Variants in CASKIN2 observed in about 807,000 individuals in gnomAD.
CASKIN2 encodes the protein CASK interacting protein 2.
A neutral mutation model predicts 107.1 loss-of-function variants in CASKIN2; 41 were observed. That is an observed-to-expected ratio of 0.38 (90% CI 0.30 to 0.50). The LOEUF is 0.50. Ranked by LOEUF, CASKIN2 falls within the 20% of genes least tolerant of loss-of-function variation. The probability of loss-of-function intolerance (pLI) is 0.92; values close to 1 mark genes in which losing one functional copy is unlikely to be tolerated. For synonymous variants in CASKIN2, 724 were observed against 705.6 expected (o/e 1.03, Z -0.41); for missense variants, 1,546 against 1,657.4 (o/e 0.93, Z 1.17).
rs759781546 is a variant in CASKIN2, at chr17:75,504,990, G to A, written c.1014C>T (p.Pro338=). The A allele has an allele frequency of 1.2e-6, 2 of 1,612,430 alleles. No individual in the cohort carries two copies. Among genetic ancestry groups the A allele is most frequent in the South Asian group, 2.2e-5 (2 of 91,074 alleles). ...QRGTDRIGYF[P]PGIVEVVSKR... ...TGCTGACCACCTCGACAATGCCCGG[G>A]GGGAAGTAGCCTATGCGGTCTGTGC... Residue 338 remains proline, a synonymous_variant, in exon 11 of 20, where the codon CCC becomes CCT. Transcript: ENST00000321617.
In CASKIN2 at chr17:75,506,781, C is replaced by A; in HGVS notation, c.486+18G>T. 6.2e-7 allele frequency: 1 copy of A among 1,613,812 alleles called. No individual in the cohort carries two copies. The highest frequency in any genetic ancestry group is 8.5e-7 in the Non-Finnish European group (1 of 1,179,974). ...TGTAGATGTCCAGGACCCAGCACCC[C>A]AAGGCTGCAGGCCTCACCTTGAGTC... On this transcript the variant is annotated intron_variant, in intron 6 of 19. Transcript: ENST00000321617. The surrounding 1 kb of genome is among the most constrained non-coding windows in gnomAD (Gnocchi z 4.8).
At position 75,502,914 on chromosome 17, in the gene CASKIN2, G is replaced by C. The variant is rs141399534; in HGVS notation, c.2160C>G (p.Ser720Arg). 2 of 1,558,414 alleles carry C rather than the reference G, an allele frequency of 1.3e-6. No homozygotes were observed. Among genetic ancestry groups the C allele is most frequent in the Non-Finnish European group, 1.7e-6 (2 of 1,151,054 alleles). Residue 720 changes from serine (S) to arginine (R), a missense_variant, in exon 18 of 20, where the codon AGC becomes AGG. Transcript: ENST00000321617. This position sits in a 1 kb window ranked among gnomAD's most constrained non-coding sequence, Gnocchi z 4.3. Reference protein sequence around the residue: ...HSQEQPAPQPSGGDPSPPQER... With the variant: ...HSQEQPAPQPRGGDPSPPQER... The stretch of plus-strand genomic sequence containing the variant: ...CCTGGGGGGGGCTGGGATCTCCACC[G>C]CTGGGCTGTGGGGCAGGCTGTTCCT...
At chr17:75,503,288 G>A (rs772094329) in intron 17 of CASKIN2, 34 bp from the exon 18 acceptor site, 5 of 1,573,376 alleles carry the variant, frequency 3.2e-6, no homozygotes, top group Non-Finnish European at 4.3e-6. Flanking sequence ...AAGGTTAGCT[G>A]GGGCTGGGGT....
intron 19 of CASKIN2, 49 bp from the exon 20 acceptor site, chr17:75,501,219 C>A: frequency 6.7e-7 from 1 of 1,496,918 alleles, no homozygotes; most frequent in South Asian, 1.2e-5. Context: ...GCCTGCACCC[C>A]ACTGGCCCTG....
intron 2 of CASKIN2, among the ~76,000 whole-genome samples, chr17:75,511,841 C>T (rs1238945918): frequency 6.6e-6 from 1 of 152,248 alleles, no homozygotes; most frequent in Non-Finnish European, 1.5e-5. Context: ...CTCCAAACCC[C>T]TCCCGCCTGC....
chr17:75,510,222 G>A (rs772552728), intron 2 of CASKIN2, among the ~76,000 whole-genome samples: 1 of 152,152 alleles, frequency 6.6e-6, no homozygotes. Context: ...GGCGAGGGGC[G>A]GGGAGCAGGG....
rs1289485502 is a variant in CASKIN2 at position 75,502,609 on chromosome 17, G to GTGC, written c.2462_2464dup (p.Ser821dup). The GTGC allele has an allele frequency of 6.2e-7, 1 of 1,603,614 alleles. No homozygotes were observed. Among genetic ancestry groups the GTGC allele is most frequent in the African/African-American group, 1.3e-5 (1 of 74,792 alleles). Reference sequence around the variant, plus strand: ...GGTAAGGGTAGCATAACTGCCTAGGGTGCTGCCCACTGGCCCTTCGGCCTC... The same window carrying GTGC: ...GGTAAGGGTAGCATAACTGCCTAGGGTGCTGCTGCCCACTGGCCCTTCGGCCTC... On this transcript the variant is annotated inframe_insertion, in exon 18 of 20. Transcript: ENST00000321617. This position sits in a 1 kb window ranked among gnomAD's most constrained non-coding sequence, Gnocchi z 4.3.
chr17:75,505,824 G>A lies in CASKIN2; in HGVS notation c.832C>T (p.Arg278Trp), dbSNP rs199947018. The change falls in exon 9 of 20, where the codon CGG becomes TGG. Residue 278 changes from arginine (R) to tryptophan (W), a missense_variant. Transcript: ENST00000321617. The surrounding 1 kb of genome is among the most constrained non-coding windows in gnomAD (Gnocchi z 5.1). Reference protein sequence around the residue: ...QASREIKQLLREASGILKVRA... With the variant: ...QASREIKQLLWEASGILKVRA... ...GGGTATCCTCCCCCGCACTCACCCC[G>A]CAGTAGCTGCTTGATTTCCCGGCTG... The A allele has an allele frequency of 4.0e-5, 65 of 1,611,902 alleles. No individual in the cohort carries two copies. In the African/African-American group the frequency reaches 6.4e-4, roughly 16 times the overall value.
Position 75,500,996 on chromosome 17 carries a change from C to A in CASKIN2, c.*84G>T. On this transcript the variant is annotated 3_prime_UTR_variant, in exon 20 of 20. Transcript: ENST00000321617. ...ACTTCAGCCTGACCAGCCCTTGGCC[C>A]GTCCCTAGGGTGGCAGGGGCCTCTT... The A allele has an allele frequency of 7.4e-7, 1 of 1,348,250 alleles. No homozygotes were observed. The highest frequency in any genetic ancestry group is 1.0e-6 in the Non-Finnish European group (1 of 972,974). The allele number at this position is 1,348,250 out of a possible 1,614,324, so 83.5% of individuals were successfully genotyped here.
chr17:75,502,410 T>G lies in CASKIN2; in HGVS notation c.2664A>C (p.Pro888=), dbSNP rs1598462821. ...CCTTGGGCCCTGGGCTCTCATCTAG[T>G]GGAGGTGGCTCCGGGCTGGGGCCAG... ...SVSGPSPEPP[P]LDESPGPKEG... is the part of the protein sequence containing the mutation. The change falls in exon 18 of 20, where the codon CCA becomes CCC. Residue 888 remains proline (P), a synonymous_variant. Transcript: ENST00000321617. The surrounding 1 kb of genome is among the most constrained non-coding windows in gnomAD (Gnocchi z 4.3). 1 of 1,384,936 alleles carries G rather than the reference T, an allele frequency of 7.2e-7. No homozygotes were observed. Among genetic ancestry groups the G allele is most frequent in the Non-Finnish European group, 9.2e-7 (1 of 1,081,302 alleles). The allele number at this position is 1,384,936 out of a possible 1,614,324, so 85.8% of individuals were successfully genotyped here.
chr17:75,506,214 G>A lies in CASKIN2; in HGVS notation c.726+91C>T, dbSNP rs569052453. On this transcript the variant is annotated intron_variant, in intron 8 of 19. Coordinates refer to ENST00000321617, the MANE Select transcript of CASKIN2 (RefSeq NM_020753.5). This position sits in a 1 kb window ranked among gnomAD's most constrained non-coding sequence, Gnocchi z 4.8. ...CTGACGCCCATGCAAAAACCACGCT[G>A]GAGTCCTCCGTCCCGTACCTCCCCA... 2 of 1,140,174 alleles carry A rather than the reference G, an allele frequency of 1.8e-6. No individual in the cohort carries two copies. Among genetic ancestry groups the A allele is most frequent in the East Asian group, 2.4e-5 (1 of 41,612 alleles). 70.6% of individuals were successfully genotyped at this position (1,140,174 alleles called of 1,614,324 possible).
At position 75,505,007 on chromosome 17, in the gene CASKIN2, G is replaced by A. The variant is rs149259623; in HGVS notation, c.997C>T (p.Arg333Cys). 6.3e-5 allele frequency: 101 copies of A among 1,612,292 alleles called. No individual in the cohort carries two copies. Among genetic ancestry groups the A allele is most frequent in the Non-Finnish European group, 8.0e-5 (94 of 1,179,800 alleles). ...ATGCCCGGGGGGAAGTAGCCTATGCGGTCTGTGCCCCTCTGGCTCTCGTGG... is the reference window on the plus strand; with the variant it reads ...ATGCCCGGGGGGAAGTAGCCTATGCAGTCTGTGCCCCTCTGGCTCTCGTGG... ...HIHESQRGTDRIGYFPPGIVE... is the reference protein window; with the variant it reads ...HIHESQRGTDCIGYFPPGIVE... The change falls in exon 11 of 20, where the codon CGC becomes TGC. Residue 333 changes from arginine to cysteine, a missense_variant. Transcript: ENST00000321617. The surrounding 1 kb of genome is among the most constrained non-coding windows in gnomAD (Gnocchi z 5.1).
rs752111948 is a variant in CASKIN2, at chr17:75,503,164, C to T, written c.1910G>A (p.Arg637His). The T allele has an allele frequency of 1.4e-5, 23 of 1,601,758 alleles. 1 individual carries two copies. The highest frequency in any genetic ancestry group is 1.2e-4 in the African/African-American group (9 of 74,828). The change falls in exon 18 of 20, where the codon CGC becomes CAC. Residue 637 changes from arginine (R) to histidine (H), a missense_variant. Coordinates refer to ENST00000321617, the MANE Select transcript of CASKIN2 (RefSeq NM_020753.5). ...CAGCTCCGGACCCTTGGCCAGCCGG[C>T]GCCCGCCTTCGCTGAGGGCCTCCCC... ...LQGEALSEGG[R>H]RLAKGPELMA...
At position 75,503,546 on chromosome 17, in the gene CASKIN2, C is replaced by T. The variant is rs1371082670; in HGVS notation, c.1681-19G>A. On this transcript the variant is annotated intron_variant, in intron 16 of 19. Transcript: ENST00000321617. ...GGTCCGTCTGGAAGAGCACCGTCCT[C>T]AGAACAACTCCCAGCCAGCCTCCGC... is the stretch of plus-strand genomic sequence containing the variant. 2 of 1,604,882 alleles carry T rather than the reference C, an allele frequency of 1.2e-6. No individual in the cohort carries two copies. Among genetic ancestry groups the T allele is most frequent in the African/African-American group, 2.7e-5 (2 of 74,874 alleles).
In CASKIN2 at chr17:75,503,455, C is replaced by A; in HGVS notation, c.1753G>T (p.Asp585Tyr). Reference protein sequence around the residue: ...YHKQLVSSGYDSMGLVADLTW... With the variant: ...YHKQLVSSGYYSMGLVADLTW... ...AGGTCGGCCACCAGCCCCATGGAGT[C>A]GTAGCCGCTGCTCACCAGCTGCTTG... The change falls in exon 17 of 20, where the codon GAC (aspartate) becomes TAC (tyrosine). Residue 585 changes from aspartate to tyrosine, a missense_variant. Asp to Tyr is a radical substitution (Grantham distance 160). Around this residue, in one of 6 missense-constraint regions of CASKIN2, gnomAD observed 1,311 missense variants for 1,311.0 expected, o/e 1.00. Coordinates refer to ENST00000321617, the MANE Select transcript of CASKIN2 (RefSeq NM_020753.5). 6.2e-7 allele frequency: 1 copy of A among 1,612,890 alleles called. No homozygotes were observed. Among genetic ancestry groups the A allele is most frequent in the Non-Finnish European group, 8.5e-7 (1 of 1,179,966 alleles).
chr17:75,501,736 C>T, intron 18 of CASKIN2, 43 bp downstream of exon 18: 1 of 1,532,404 alleles, frequency 6.5e-7, no homozygotes, highest in South Asian at 1.3e-5. Context: ...GGGTCAGACA[C>T]AACCCTGCCA....
intron 4 of CASKIN2, 97 bp from the exon 5 acceptor site, chr17:75,507,226 A>G: frequency 7.3e-7 from 1 of 1,378,660 alleles, no homozygotes; most frequent in Non-Finnish European, 9.7e-7. Flanking sequence ...CTGGGAGGGC[A>G]GAGAGCCCAC....
rs944646900 is a variant in CASKIN2 at position 75,500,538 on chromosome 17, T to G, written c.*542A>C. 1.9e-5 allele frequency: 3 copies of G among 157,720 alleles called. No individual in the cohort carries two copies. Among genetic ancestry groups the G allele is most frequent in the Non-Finnish European group, 4.2e-5 (3 of 71,098 alleles). The allele number at this position is 157,720 out of a possible 1,614,324, so 9.8% of individuals were successfully genotyped here. A position where few individuals can be genotyped will look rare whatever the true frequency, so the allele number is the denominator to read the frequency against. On this transcript the variant is annotated 3_prime_UTR_variant, in exon 20 of 20. Coordinates refer to ENST00000321617, the MANE Select transcript of CASKIN2 (RefSeq NM_020753.5). Reference sequence around the variant, plus strand: ...TGTTAACCCCACTGCCTCCCACCCCTGCTAGCCCTGCCTCAGTGAGGGAAG... The same window carrying G: ...TGTTAACCCCACTGCCTCCCACCCCGGCTAGCCCTGCCTCAGTGAGGGAAG...
chr17:75,501,610 G>C lies in CASKIN2; in HGVS notation c.3376C>G (p.Arg1126Gly). The change falls in exon 19 of 20, where the codon CGC becomes GGC. Residue 1126 changes from arginine to glycine, a missense_variant. Physicochemically the swap from Arg to Gly is moderately radical, Grantham distance 125. This residue lies in a region of CASKIN2 where 1,311 missense variants were observed against 1,311.0 expected (regional missense o/e 1.00). Coordinates refer to ENST00000321617, the MANE Select transcript of CASKIN2 (RefSeq NM_020753.5). ...GPKLAPRLGP[R>G]PVPPPRPEST... ...TCAGGCCGTGGAGGAGGCACTGGGC[G>C]GGGGCCGAGCCGGGGCGCTAGCTTA... 6.2e-7 allele frequency: 1 copy of C among 1,604,720 alleles called. No individual in the cohort carries two copies. The highest frequency in any genetic ancestry group is 8.5e-7 in the Non-Finnish European group (1 of 1,174,770).
Sources: allele counts gnomAD v4.1 joint callset (sites outside exome capture counted in the v4.1 genomes callset), GRCh38; gene constraint gnomAD v4.1.1; regional missense constraint gnomAD v4.1.1; non-coding constraint Gnocchi (gnomAD v3.1); transcripts MANE v1.5; gene names NCBI Gene and HGNC (gene_info 2026-07-23, HGNC 2026-07-21).